The following STAC variants were observed in gnomAD, a reference collection of about 807,000 sequenced individuals.
STAC encodes the protein SH3 and cysteine-rich domain-containing protein.
A neutral mutation model predicts 48.8 loss-of-function variants in STAC; 43 were observed. The ratio of observed to expected loss-of-function variants is 0.88; its 90% CI spans 0.69 to 1.14. The LOEUF is 1.14. Among genes scored for constraint, STAC ranks in the 50% most tolerant of loss-of-function variants. The probability of loss-of-function intolerance (pLI) is 0.00; values close to 1 mark genes in which losing one functional copy is unlikely to be tolerated. For missense variants in STAC, 497 were observed against 504.0 expected (o/e 0.99, Z 0.13); for synonymous variants, 193 against 179.5 (o/e 1.07, Z -0.60).
At chr3:36,410,219 T>C (rs1700165731) in intron 1 of STAC, among the ~76,000 whole-genome samples, 1 of 152,172 alleles carries the variant, frequency 6.6e-6, no homozygotes, top group African/African-American at 2.4e-5. Flanking sequence ...TACATATTAC[T>C]ATATATATAG....
chr3:36,406,288 T>C lies in STAC; in HGVS notation c.111+25534T>C, dbSNP rs1053620856. Among the ~76,000 whole-genome samples the C allele has an allele frequency of 3.9e-5, 6 of 152,208 alleles. No homozygotes were observed. In the East Asian group the frequency reaches 7.7e-4, roughly 20 times the overall value. On this transcript the variant is annotated intron_variant, in intron 1 of 10. Transcript: ENST00000273183. ...AGGCCCTGGAAGACACCAGGGAAAG[T>C]GAGAATGGGCTAAGGGAGATGTTAA...
intron 1 of STAC, among the ~76,000 whole-genome samples, chr3:36,434,181 G>A (rs1700772417): frequency 6.6e-6 from 1 of 152,188 alleles, no homozygotes. Context: ...AGGTGAATCT[G>A]CATGGCGGCT....
intron 1 of STAC, among the ~76,000 whole-genome samples, chr3:36,421,527 T>C (rs1336202224): frequency 6.6e-6 from 1 of 152,118 alleles, no homozygotes; most frequent in Non-Finnish European, 1.5e-5. Flanking sequence ...GATGTCTCTT[T>C]TCACCACACG....
chr3:36,499,791 A>T (rs1698238686), intron 6 of STAC, among the ~76,000 whole-genome samples: 1 of 152,080 alleles, frequency 6.6e-6, no homozygotes, highest in Admixed American at 6.5e-5. Context: ...CAGGGGGAAG[A>T]AAGAAAAACA....
At chr3:36,460,228 A>G (rs76551100) in intron 2 of STAC, among the ~76,000 whole-genome samples, 5,039 of 152,138 alleles carry the variant, frequency 0.033, 129 homozygotes, top group South Asian at 0.054. Flanking sequence ...GAGGAACCTC[A>G]AGCCAGGTTC....
intron 1 of STAC, among the ~76,000 whole-genome samples, chr3:36,432,038 G>C (rs924505788): frequency 7.2e-5 from 11 of 152,206 alleles, no homozygotes; most frequent in Admixed American, 5.9e-4. Context: ...CTCTGAAGGT[G>C]ATAACAATCA....
At chr3:36,430,282 G>A (rs1336754917) in intron 1 of STAC, among the ~76,000 whole-genome samples, 31 of 152,198 alleles carry the variant, frequency 2.0e-4, no homozygotes, top group Admixed American at 6.5e-5. Context: ...TTGTGGTGAC[G>A]TACTGCTGCA....
At chr3:36,528,474 A>G (rs1398434020) in intron 8 of STAC, among the ~76,000 whole-genome samples, 2 of 152,018 alleles carry the variant, frequency 1.3e-5, no homozygotes, top group African/African-American at 4.8e-5. Flanking sequence ...TTTAAAAAAA[A>G]AAAAAAAAGA....
In STAC at chr3:36,443,548, C is replaced by G. The variant is rs1696420405; in HGVS notation, c.296C>G (p.Ala99Gly). Residue 99 changes from alanine to glycine, a missense_variant, in exon 2 of 11, where the codon GCT becomes GGT. Physicochemically the swap from Ala to Gly is moderately conservative, Grantham distance 60 (BLOSUM62 0). Transcript: ENST00000273183. This position sits in a 1 kb window ranked among gnomAD's most constrained non-coding sequence, Gnocchi z 4.2. Reference protein sequence around the residue: ...PGSLTSTPARAGLHPGGKAHA... With the variant: ...PGSLTSTPARGGLHPGGKAHA... ...AGCCTGACGTCCACACCCGCCAGGG[C>G]TGGTCTGCATCCAGGTGGCAAGGCT... 16 of 1,614,104 alleles carry G rather than the reference C, an allele frequency of 9.9e-6. No individual in the cohort carries two copies. Among genetic ancestry groups the G allele is most frequent in the South Asian group, 2.2e-5 (2 of 91,090 alleles).
At chr3:36,398,516 A>G (rs1379295244) in intron 1 of STAC, among the ~76,000 whole-genome samples, 1 of 78,438 alleles carries the variant, frequency 1.3e-5, no homozygotes, top group Non-Finnish European at 2.6e-5. Flanking sequence ...AGAGAAAAAG[A>G]AAGAGAGAGA....
intron 1 of STAC, among the ~76,000 whole-genome samples, chr3:36,420,256 A>T (rs1464389992): frequency 6.6e-6 from 1 of 152,250 alleles, no homozygotes; most frequent in Non-Finnish European, 1.5e-5. Flanking sequence ...TCTGGCACAT[A>T]GAAAGACTCA....
At chr3:36,406,640 C>G (rs1177693140) in intron 1 of STAC, among the ~76,000 whole-genome samples, 1 of 152,228 alleles carries the variant, frequency 6.6e-6, no homozygotes, top group Non-Finnish European at 1.5e-5. Flanking sequence ...GCTGAGCAAG[C>G]TACAGTCTGC....
chr3:36,383,332 G>T (rs1699553079), intron 1 of STAC, among the ~76,000 whole-genome samples: 1 of 124,048 alleles, frequency 8.1e-6, no homozygotes, highest in Admixed American at 8.0e-5. Flanking sequence ...CATTTTCACT[G>T]TGAAAATTTA....
Position 36,546,641 on chromosome 3 carries a change from A to G in STAC, c.*352A>G, listed in dbSNP as rs1366064494. 1 of 308,308 alleles carries G rather than the reference A, an allele frequency of 3.2e-6. No homozygotes were observed. Among genetic ancestry groups the G allele is most frequent in the Non-Finnish European group, 6.1e-6 (1 of 163,124 alleles). 19.1% of individuals were successfully genotyped at this position (308,308 alleles called of 1,614,324 possible). Reference sequence around the variant, plus strand: ...CACACTGGAGTGTGCTCCAGTTTGCAGGGTAGCCCAGTGCAAGGTTCAGAT... The same window carrying G: ...CACACTGGAGTGTGCTCCAGTTTGCGGGGTAGCCCAGTGCAAGGTTCAGAT... On this transcript the variant is annotated 3_prime_UTR_variant, in exon 11 of 11. Transcript: ENST00000273183.
intron 8 of STAC, among the ~76,000 whole-genome samples, chr3:36,526,959 T>C (rs896865186): frequency 6.6e-6 from 1 of 152,206 alleles, no homozygotes; most frequent in Non-Finnish European, 1.5e-5. Flanking sequence ...GGCACCATAC[T>C]GCTTATCTGC....
At position 36,443,333 on chromosome 3, in the gene STAC, T is replaced by C. The variant is rs1696410628; in HGVS notation, c.112-31T>C. 4 of 1,613,022 alleles carry C rather than the reference T, an allele frequency of 2.5e-6. No homozygotes were observed. The highest frequency in any genetic ancestry group is 3.4e-6 in the Non-Finnish European group (4 of 1,179,646). On this transcript the variant is annotated intron_variant, in intron 1 of 10. Transcript: ENST00000273183. The surrounding 1 kb of genome is among the most constrained non-coding windows in gnomAD (Gnocchi z 4.2). ...CTAGGTCTGCTTGATCCATTGATCG[T>C]AAGAGAGACTGTTCTGTCATTGCAT...
intron 1 of STAC, among the ~76,000 whole-genome samples, chr3:36,386,389 G>A (rs1357466752): frequency 1.3e-5 from 2 of 148,212 alleles, no homozygotes; most frequent in African/African-American, 2.4e-5. Context: ...ATGTATTGCA[G>A]ATATTCTCTT....
At chr3:36,515,570 A>C (rs2125721139) in intron 8 of STAC, among the ~76,000 whole-genome samples, 1 of 152,298 alleles carries the variant, frequency 6.6e-6, no homozygotes, top group South Asian at 2.1e-4. Flanking sequence ...ATTAATGCTC[A>C]CTGAATCCAC....
At chr3:36,494,074 C>A (rs1698067794) in intron 6 of STAC, among the ~76,000 whole-genome samples, 1 of 150,510 alleles carries the variant, frequency 6.6e-6, no homozygotes, top group Non-Finnish European at 1.5e-5. Flanking sequence ...ATGGCGTGAA[C>A]CCTGGAGGCG....
Sources: gnomAD v4.1 joint callset for allele counts (sites outside exome capture counted in the v4.1 genomes callset) on GRCh38, gnomAD v4.1.1 for gene constraint, Gnocchi (gnomAD v3.1) non-coding constraint, MANE v1.5 for transcripts, NCBI Gene and HGNC (gene_info 2026-07-23, HGNC 2026-07-21) for gene names.